The following PTK2B variants were observed in gnomAD, a reference collection of about 807,000 sequenced individuals.
The protein encoded by PTK2B is protein tyrosine kinase 2 beta.
In PTK2B, 71 loss-of-function variants were observed where a neutral mutation model predicts 142.9. The observed-to-expected ratio is 0.50, with a 90% CI of 0.41 to 0.61. The LOEUF (loss-of-function observed/expected upper bound fraction) is 0.61. Ranked by LOEUF, PTK2B falls within the 20% of genes least tolerant of loss-of-function variation. The pLI is 0.00. For synonymous variants in PTK2B, 519 were observed against 503.4 expected, an observed-to-expected ratio of 1.03 and a Z score of -0.42; for missense variants, 1,105 against 1,320.4, an observed-to-expected ratio of 0.84 and a Z score of 2.53.
rs1467206313 is a variant in PTK2B, at chr8:27,437,478, A to C, written c.1509A>C (p.Glu503Asp). The stretch of plus-strand genomic sequence containing the variant: ...AGGAGCCCACCTGGATCATCATGGA[A>C]TTGTATCCCTATGGGGAGGTGAGCT... ...IEEEPTWIIMELYPYGELGHY... is the reference protein window; with the variant it reads ...IEEEPTWIIMDLYPYGELGHY... The change falls in exon 17 of 31, where the codon GAA (glutamate) becomes GAC (aspartate). Residue 503 changes from glutamate (E) to aspartate (D), a missense_variant. Glu to Asp is a conservative substitution (Grantham distance 45). Coordinates refer to ENST00000346049, the MANE Select transcript of PTK2B (RefSeq NM_173176.3). The C allele has an allele frequency of 6.2e-7, 1 of 1,611,424 alleles. No homozygotes were observed. Among genetic ancestry groups the C allele is most frequent in the Admixed American group, 1.7e-5 (1 of 59,580 alleles).
At chr8:27,356,171 T>G (rs561409758) in intron 1 of PTK2B, among the ~76,000 whole-genome samples, 1 of 152,266 alleles carries the variant, frequency 6.6e-6, no homozygotes, top group Non-Finnish European at 1.5e-5. Context: ...TGACAGTCCC[T>G]CTCTATGTGG....
At chr8:27,418,573 G>C (rs960715182) in intron 2 of PTK2B, among the ~76,000 whole-genome samples, 6 of 152,092 alleles carry the variant, frequency 3.9e-5, no homozygotes, top group Non-Finnish European at 8.8e-5. Context: ...TGGTCTTTAG[G>C]CTGATGTAGG....
intron 1 of PTK2B, among the ~76,000 whole-genome samples, chr8:27,362,338 A>G (rs749913574): frequency 3.3e-4 from 50 of 152,110 alleles, no homozygotes; most frequent in Non-Finnish European, 1.2e-4. Flanking sequence ...GGTATGTGTC[A>G]TTTCCTTATG....
intron 1 of PTK2B, among the ~76,000 whole-genome samples, chr8:27,342,736 C>T (rs1221003042): frequency 7.9e-5 from 12 of 152,170 alleles, no homozygotes; most frequent in Admixed American, 7.9e-4. Flanking sequence ...TTAGGACTTT[C>T]CTTCTGCCTT....
intron 2 of PTK2B, among the ~76,000 whole-genome samples, chr8:27,419,029 A>AG: frequency 7.7e-6 from 1 of 129,260 alleles, no homozygotes; most frequent in South Asian, 2.4e-4. Context: ...CTCCATCTCA[A>AG]GAAAAAAAAA....
At chr8:27,331,226 T>C (rs943649348) in intron 1 of PTK2B, among the ~76,000 whole-genome samples, 2 of 152,204 alleles carry the variant, frequency 1.3e-5, no homozygotes, top group Admixed American at 1.3e-4. Context: ...AGACCCCCTT[T>C]TAATGCCCTT....
chr8:27,447,301 T>C (rs960737209), intron 24 of PTK2B, among the ~76,000 whole-genome samples: 1 of 152,168 alleles, frequency 6.6e-6, no homozygotes, highest in Admixed American at 6.5e-5. Flanking sequence ...CCAAAAAAGT[T>C]AAAAATATAA....
chr8:27,453,229 A>T, intron 28 of PTK2B, 69 bp downstream of exon 28: 1 of 1,571,480 alleles, frequency 6.4e-7, no homozygotes, highest in South Asian at 1.1e-5. Context: ...ACCATGGTCT[A>T]TGAAAGATTC....
chr8:27,317,791 C>T (rs6557991), intron 3 of PTK2B, among the ~76,000 whole-genome samples: 57,564 of 151,966 alleles, frequency 0.38, 11,875 homozygotes, highest in Non-Finnish European at 0.46. Context: ...TTTCGGCTTT[C>T]GACCTCTTGT....
At chr8:27,410,884 G>A (rs761905725) in intron 2 of PTK2B, among the ~76,000 whole-genome samples, 1 of 152,196 alleles carries the variant, frequency 6.6e-6, no homozygotes, top group Non-Finnish European at 1.5e-5. Flanking sequence ...AACTAAATCA[G>A]TGTTAGCCAA....
chr8:27,432,189 C>T (rs910403311), intron 9 of PTK2B, 71 bp from the exon 10 acceptor site: 82 of 1,413,928 alleles, frequency 5.8e-5, no homozygotes, highest in Non-Finnish European at 8.0e-5. Flanking sequence ...CCGGCTCCCC[C>T]ATACTGACCA....
At chr8:27,351,396 A>G (rs2130515791) in intron 1 of PTK2B, among the ~76,000 whole-genome samples, 1 of 152,068 alleles carries the variant, frequency 6.6e-6, no homozygotes, top group East Asian at 1.9e-4. Context: ...TTAATCTGGG[A>G]TTGTAGAAAT....
At chr8:27,385,641 C>G (rs1009339340) in intron 1 of PTK2B, among the ~76,000 whole-genome samples, 1 of 152,068 alleles carries the variant, frequency 6.6e-6, no homozygotes, top group Non-Finnish European at 1.5e-5. Flanking sequence ...GCCTGTAATC[C>G]CAGCACTTTG....
At chr8:27,311,508 C>A (rs1357868970) in exon 1 of PTK2B, 2 of 519,148 alleles carry the variant, frequency 3.9e-6, no homozygotes, top group South Asian at 2.9e-5. Context: ...CAGGTCCGGG[C>A]GGGTCCCTGG....
chr8:27,390,582 A>G (rs1252433501), intron 1 of PTK2B, among the ~76,000 whole-genome samples: 1 of 152,194 alleles, frequency 6.6e-6, no homozygotes, highest in Non-Finnish European at 1.5e-5. Flanking sequence ...TTGAGGCTGT[A>G]GTAAGATATG....
rs200828678 is a variant in PTK2B, at chr8:27,397,637, G to A, written c.53G>A (p.Arg18Gln). ...CGAGTAAAGTTGGGCACGTTACGCC[G>A]GCCTGAAGGCCCTGCAGAGCCCATG... ...LSRVKLGTLRRPEGPAEPMVV... is the reference protein window; with the variant it reads ...LSRVKLGTLRQPEGPAEPMVV... The change falls in exon 2 of 31, where the codon CGG becomes CAG. Residue 18 changes from arginine to glutamine, a missense_variant. Arg to Gln is a conservative substitution (Grantham distance 43). Transcript: ENST00000346049. 62 of 1,614,230 alleles carry A rather than the reference G, an allele frequency of 3.8e-5. No homozygotes were observed. In the African/African-American group the frequency reaches 4.4e-4, roughly 11 times the overall value.
At chr8:27,429,916 G>A (rs1458488178) in intron 5 of PTK2B, among the ~76,000 whole-genome samples, 177 bp from the exon 6 acceptor site, 2 of 152,120 alleles carry the variant, frequency 1.3e-5, no homozygotes, top group Non-Finnish European at 2.9e-5. Context: ...GACATTTGTG[G>A]GGTTTCCTTT....
At chr8:27,332,140 C>A (rs1366360698) in intron 1 of PTK2B, among the ~76,000 whole-genome samples, 2 of 152,230 alleles carry the variant, frequency 1.3e-5, no homozygotes, top group Non-Finnish European at 2.9e-5. Flanking sequence ...TCATTACAGG[C>A]AGAAGCTCAG....
intron 1 of PTK2B, among the ~76,000 whole-genome samples, chr8:27,386,902 CT>C (rs1041137530): frequency 2.0e-5 from 3 of 150,572 alleles, no homozygotes; most frequent in South Asian, 4.2e-4. Flanking sequence ...TAATCACCTA[CT>C]TTTTTTTCTG....
Sources: gnomAD v4.1 joint callset for allele counts (sites outside exome capture counted in the v4.1 genomes callset) on GRCh38, gnomAD v4.1.1 for gene constraint, MANE v1.5 for transcripts, NCBI Gene and HGNC (gene_info 2026-07-23, HGNC 2026-07-21) for gene names.